TTC28: variants seen among roughly 807,000 people sequenced by gnomAD.
TTC28 encodes the protein tetratricopeptide repeat domain 28.
In TTC28, 61 loss-of-function variants were observed where a neutral mutation model predicts 198.0. That is an observed-to-expected ratio of 0.31 (90% confidence interval 0.25 to 0.38). The LOEUF is 0.38. TTC28 is among the 10% of genes least tolerant of loss of function. TTC28 has a pLI of 1.00. For synonymous variants in TTC28, 1,171 were observed against 1,297.8 expected (o/e 0.90, Z 2.10); for missense variants, 2,678 against 3,164.0 (o/e 0.85, Z 3.69).
intron 6 of TTC28, among the ~76,000 whole-genome samples, chr22:28,151,433 G>A (rs965752392): frequency 1.2e-4 from 18 of 152,152 alleles, no homozygotes; most frequent in African/African-American, 4.3e-4. Context: ...AGTCCAAAGT[G>A]CAGCTCTGAC....
intron 1 of TTC28, among the ~76,000 whole-genome samples, chr22:28,656,014 A>T (rs909750401): frequency 6.6e-6 from 1 of 152,242 alleles, no homozygotes; most frequent in Non-Finnish European, 1.5e-5. Flanking sequence ...AAAATGTAAT[A>T]CAAGAATTTG....
At position 27,982,170 on chromosome 22, in the gene TTC28, G is replaced by A. The variant is rs1463742902; in HGVS notation, c.*51C>T. The A allele has an allele frequency of 4.8e-6, 7 of 1,448,040 alleles. No individual in the cohort carries two copies. Among genetic ancestry groups the A allele is most frequent in the Non-Finnish European group, 6.4e-6 (7 of 1,097,366 alleles). 89.7% of individuals were successfully genotyped at this position (1,448,040 alleles called of 1,614,324 possible). A position where few individuals can be genotyped will look rare whatever the true frequency, so the allele number is the denominator to read the frequency against. On this transcript the variant is annotated 3_prime_UTR_variant, in exon 23 of 23. Coordinates refer to ENST00000397906, the MANE Select transcript of TTC28 (RefSeq NM_001145418.2). This position sits in a 1 kb window ranked among gnomAD's most constrained non-coding sequence, Gnocchi z 5.2. ...CACTCAGGGAAGGGCTGAAGCAAAC[G>A]CCAGGCCCCCATCTGCAGGCTGCTC...
intron 2 of TTC28, among the ~76,000 whole-genome samples, chr22:28,556,368 G>C (rs1818591580): frequency 6.6e-6 from 1 of 151,874 alleles, no homozygotes; most frequent in African/African-American, 2.4e-5. Flanking sequence ...CAAAAAAAAA[G>C]CCCTATTTCT....
At chr22:28,499,581 G>A (rs142028113) in intron 2 of TTC28, among the ~76,000 whole-genome samples, 23 of 152,132 alleles carry the variant, frequency 1.5e-4, no homozygotes, top group African/African-American at 4.8e-4. Flanking sequence ...CTCATTAAAC[G>A]AATGTTTACT....
intron 2 of TTC28, among the ~76,000 whole-genome samples, chr22:28,359,411 T>C (rs754691003): frequency 2.6e-5 from 4 of 152,180 alleles, no homozygotes; most frequent in Non-Finnish European, 5.9e-5. Flanking sequence ...GGTTTAGTGA[T>C]TGGGTCAAGG....
chr22:28,384,227 T>A lies in TTC28; in HGVS notation c.382-77584A>T, dbSNP rs184650837. On this transcript the variant is annotated intron_variant, in intron 2 of 22. Coordinates refer to ENST00000397906, the MANE Select transcript of TTC28 (RefSeq NM_001145418.2). ...CATCCTCTTCATCACTCTTTTTTTT[T>A]AAACATTTGTTTTTTTGTTTGTTAG... Among the ~76,000 whole-genome samples the A allele has an allele frequency of 1.4e-4, 22 of 152,318 alleles. No homozygotes were observed. The East Asian group carries it at 2.7e-3, about 19-fold the overall frequency.
intron 2 of TTC28, among the ~76,000 whole-genome samples, chr22:28,475,882 T>A (rs753035623): frequency 6.6e-6 from 1 of 152,212 alleles, no homozygotes; most frequent in Non-Finnish European, 1.5e-5. Context: ...AAATACAGTG[T>A]TCCTTTCCAA....
intron 2 of TTC28, among the ~76,000 whole-genome samples, chr22:28,396,133 G>A (rs2046811737): frequency 6.6e-6 from 1 of 152,156 alleles, no homozygotes; most frequent in Non-Finnish European, 1.5e-5. Context: ...CAGATAAACA[G>A]TCTAAAAGAA....
intron 2 of TTC28, among the ~76,000 whole-genome samples, chr22:28,528,170 T>C (rs769809689): frequency 1.3e-5 from 2 of 152,170 alleles, no homozygotes; most frequent in Admixed American, 1.3e-4. Context: ...TTTGAGTAAA[T>C]ATTTTTAAAA....
intron 12 of TTC28, among the ~76,000 whole-genome samples, chr22:28,063,213 A>C (rs554251412): frequency 6.6e-6 from 1 of 152,336 alleles, no homozygotes; most frequent in South Asian, 2.1e-4. Context: ...CAGAGTTTAT[A>C]CACAAAATTT....
chr22:28,389,069 C>A (rs1410062386), intron 2 of TTC28, among the ~76,000 whole-genome samples: 1 of 152,056 alleles, frequency 6.6e-6, no homozygotes, highest in Non-Finnish European at 1.5e-5. Flanking sequence ...TGAATTTTGT[C>A]AAAGGCCTTT....
At chr22:28,522,116 A>G (rs1290277621) in intron 2 of TTC28, among the ~76,000 whole-genome samples, 2 of 152,250 alleles carry the variant, frequency 1.3e-5, no homozygotes, top group Non-Finnish European at 2.9e-5. Flanking sequence ...AGCAAAAAAC[A>G]AACAAGAGAA....
intron 5 of TTC28, among the ~76,000 whole-genome samples, chr22:28,243,355 T>TCAAAACAAAA (rs377564604): frequency 7.3e-5 from 11 of 150,790 alleles, no homozygotes; most frequent in African/African-American, 2.2e-4. Context: ...AGACCCCGTC[T>TCAAAACAAAA]CAAAACAAAA....
chr22:28,260,465 A>G (rs1342063809), intron 5 of TTC28, among the ~76,000 whole-genome samples: 1 of 152,142 alleles, frequency 6.6e-6, no homozygotes, highest in Non-Finnish European at 1.5e-5. Context: ...AAACAATTCC[A>G]TATTTTTGTG....
At chr22:28,506,115 C>G (rs2048609330) in intron 2 of TTC28, among the ~76,000 whole-genome samples, 1 of 152,114 alleles carries the variant, frequency 6.6e-6, no homozygotes. Flanking sequence ...GCCACTCCAG[C>G]CAGGGTTCTA....
chr22:28,399,950 T>A (rs2046878163), intron 2 of TTC28, among the ~76,000 whole-genome samples: 1 of 152,160 alleles, frequency 6.6e-6, no homozygotes, highest in African/African-American at 2.4e-5. Flanking sequence ...AGAATACAGA[T>A]GAGCAAAAAA....
At chr22:28,500,132 T>A (rs2048515479) in intron 2 of TTC28, among the ~76,000 whole-genome samples, 4 of 152,162 alleles carry the variant, frequency 2.6e-5, no homozygotes. Flanking sequence ...CCACAATCAA[T>A]GTAATTTATT....
At chr22:28,316,857 CCT>C (rs951318214) in intron 2 of TTC28, among the ~76,000 whole-genome samples, 3 of 152,124 alleles carry the variant, frequency 2.0e-5, no homozygotes, top group Non-Finnish European at 2.9e-5. Context: ...GCTTTGAACC[CCT>C]GAGTGCAAGT....
At chr22:28,386,460 CAGAA>C (rs2046596804) in intron 2 of TTC28, among the ~76,000 whole-genome samples, 2 of 151,986 alleles carry the variant, frequency 1.3e-5, no homozygotes, top group South Asian at 2.1e-4. Flanking sequence ...CCTTGGCATT[CAGAA>C]AGAGTCTGTT....
Sources: gnomAD v4.1 joint callset for allele counts (sites outside exome capture counted in the v4.1 genomes callset) on GRCh38, gnomAD v4.1.1 for gene constraint, Gnocchi (gnomAD v3.1) non-coding constraint, MANE v1.5 for transcripts, NCBI Gene and HGNC (gene_info 2026-07-23, HGNC 2026-07-21) for gene names.